The following IFRD1 variants were observed in gnomAD, a reference collection of about 807,000 sequenced individuals.
IFRD1 encodes the protein interferon-related developmental regulator 1.
A neutral mutation model predicts 52.9 loss-of-function variants in IFRD1; 35 were observed. That is an observed-to-expected ratio of 0.66 (90% CI 0.51 to 0.88). IFRD1 has a LOEUF of 0.88. Ranked by LOEUF, IFRD1 falls within the 40% of genes least tolerant of loss-of-function variation. IFRD1 has a pLI of 0.00. For missense variants in IFRD1, 517 were observed against 550.8 expected (o/e 0.94, Z 0.61); for synonymous variants, 184 against 188.4 (o/e 0.98, Z 0.19).
At chr7:112,459,076 GC>G in intron 5 of IFRD1, 58 bp downstream of exon 5, 1 of 1,402,870 alleles carries the variant, frequency 7.1e-7, no homozygotes, top group Non-Finnish European at 9.9e-7. Flanking sequence ...CAGACGTGGT[GC>G]GCCTATAGTA....
chr7:112,442,597 G>C (rs1309648542), intron 1 of IFRD1, among the ~76,000 whole-genome samples: 1 of 152,180 alleles, frequency 6.6e-6, no homozygotes, highest in Non-Finnish European at 1.5e-5. Flanking sequence ...CTTTGGTCAT[G>C]TCCCTGGGGG....
At chr7:112,474,215 A>G (rs1034252694) in intron 11 of IFRD1, among the ~76,000 whole-genome samples, 2 of 152,232 alleles carry the variant, frequency 1.3e-5, no homozygotes, top group South Asian at 2.1e-4. Flanking sequence ...GAACATTCAC[A>G]TACAAAATTT....
rs202245202 is a variant in IFRD1 at position 112,476,496 on chromosome 7, A to C, written c.*977A>C. On this transcript the variant is annotated 3_prime_UTR_variant, in exon 12 of 12. Coordinates refer to ENST00000403825, the MANE Select transcript of IFRD1 (RefSeq NM_001550.4). ...AACATAGCGAGACCCTGTCTCTACC[A>C]GAAATTTAAAAAATGAGTGTGGTGG... 1.3e-5 allele frequency: 2 copies of C among 152,306 alleles called. No homozygotes were observed. The highest frequency in any genetic ancestry group is 1.3e-4 in the Admixed American group (2 of 15,294). The allele number at this position is 152,306 out of a possible 1,614,324, so 9.4% of individuals were successfully genotyped here. A position where few individuals can be genotyped will look rare whatever the true frequency, so the allele number is the denominator to read the frequency against.
chr7:112,456,007 G>GAA lies in IFRD1; in HGVS notation c.206_207dup (p.Val70LysfsTer12). The GAA allele has an allele frequency of 3.1e-6, 5 of 1,593,048 alleles. No homozygotes were observed. Among genetic ancestry groups the GAA allele is most frequent in the Non-Finnish European group, 4.3e-6 (5 of 1,160,990 alleles). The stretch of plus-strand genomic sequence containing the variant: ...TGTTTTATATTATTTCTTAGGACCA[G>GAA]AAGTCCTTGATGAGGAAGGAACTCA... On this transcript the variant is annotated frameshift_variant, in exon 3 of 12. Transcript: ENST00000403825. LOFTEE classifies it high-confidence loss of function.
chr7:112,442,627 C>T (rs930936378), intron 1 of IFRD1, among the ~76,000 whole-genome samples: 1 of 152,184 alleles, frequency 6.6e-6, no homozygotes, highest in African/African-American at 2.4e-5. Flanking sequence ...AAAGCTGATC[C>T]ATCAAGAGAG....
Position 112,468,079 on chromosome 7 carries a change from G to C in IFRD1, c.1005G>C (p.Gln335His). ...GGGCCAAAGTGGACAAGAGAAAGCA[G>C]CGGTCAGTTTTCAGAGATGTCCTGA... ...KHRAKVDKRK[Q>H]RSVFRDVLRA... is the part of the protein sequence containing the mutation. Residue 335 changes from glutamine to histidine, a missense_variant, in exon 9 of 12, where the codon CAG becomes CAC. Gln to His is a conservative substitution (Grantham distance 24, BLOSUM62 0). Coordinates refer to ENST00000403825, the MANE Select transcript of IFRD1 (RefSeq NM_001550.4). The C allele has an allele frequency of 6.2e-7, 1 of 1,614,090 alleles. No individual in the cohort carries two copies. The highest frequency in any genetic ancestry group is 8.5e-7 in the Non-Finnish European group (1 of 1,179,978).
chr7:112,427,992 G>A (rs1041853312), intron 1 of IFRD1, among the ~76,000 whole-genome samples: 5 of 152,164 alleles, frequency 3.3e-5, no homozygotes, highest in African/African-American at 1.2e-4. Flanking sequence ...CTTGATGGGG[G>A]CAGAGGGGTG....
rs548170557 is a variant in IFRD1, at chr7:112,450,866, T to C, written c.94+84T>C. ...TGCTTCGGCACGGTGGGAGTTGTAG[T>C]TCTTTCTCTGATGTACACATTTGCA... On this transcript the variant is annotated intron_variant, in intron 1 of 11. Coordinates refer to ENST00000403825, the MANE Select transcript of IFRD1 (RefSeq NM_001550.4). 1.9e-4 allele frequency: 180 copies of C among 945,668 alleles called. No individual in the cohort carries two copies. The African/African-American group carries it at 2.7e-3, about 14-fold the overall frequency. The allele number at this position is 945,668 out of a possible 1,614,324, so 58.6% of individuals were successfully genotyped here.
At chr7:112,460,185 A>G (rs1252417138) in intron 5 of IFRD1, among the ~76,000 whole-genome samples, 1 of 149,658 alleles carries the variant, frequency 6.7e-6, no homozygotes, top group Non-Finnish European at 1.5e-5. Flanking sequence ...TTTTTAAAAA[A>G]CCTTAGCCTC....
chr7:112,433,360 T>A (rs974999134), intron 1 of IFRD1, among the ~76,000 whole-genome samples: 2 of 152,166 alleles, frequency 1.3e-5, no homozygotes, highest in African/African-American at 4.8e-5. Context: ...TTGTGCTGAA[T>A]CAGTTCCTGG....
chr7:112,455,111 G>A (rs1048347646), intron 1 of IFRD1, among the ~76,000 whole-genome samples: 2 of 151,702 alleles, frequency 1.3e-5, no homozygotes, highest in African/African-American at 4.8e-5. Flanking sequence ...TGATCTGTCC[G>A]CCTCAGCCTC....
intron 1 of IFRD1, chr7:112,423,545 C>T (rs1360439924): frequency 6.6e-6 from 1 of 152,024 alleles, no homozygotes; most frequent in African/African-American, 2.4e-5. Context: ...GCTCTTAACC[C>T]GGTAAGTGGT....
At chr7:112,467,795 AT>A (rs1184998348) in intron 8 of IFRD1, 185 bp from the exon 9 acceptor site, 2 of 617,738 alleles carry the variant, frequency 3.2e-6, no homozygotes, top group Non-Finnish European at 5.8e-6. Flanking sequence ...TGTAGTCAGC[AT>A]TTCTGGGTTC....
Position 112,452,033 on chromosome 7 carries a change from T to A in IFRD1, c.94+1251T>A, listed in dbSNP as rs1795178060. The stretch of plus-strand genomic sequence containing the variant: ...GAGGGATTCTTAAAACAGCAATTTT[T>A]TACATTTTTTAGGTGCCTCTTTATT... On this transcript the variant is annotated intron_variant, in intron 1 of 11. Coordinates refer to ENST00000403825, the MANE Select transcript of IFRD1 (RefSeq NM_001550.4). 9.2e-6 allele frequency: 9 copies of A among 981,846 alleles called. 1 individual carries two copies. The South Asian group carries it at 4.2e-4, about 46-fold the overall frequency. 60.8% of individuals were successfully genotyped at this position (981,846 alleles called of 1,614,324 possible). A position where few individuals can be genotyped will look rare whatever the true frequency, so the allele number is the denominator to read the frequency against.
chr7:112,472,651 A>G (rs1795780828), intron 10 of IFRD1, 115 bp from the exon 11 acceptor site: 2 of 789,554 alleles, frequency 2.5e-6, no homozygotes, highest in South Asian at 2.9e-5. Flanking sequence ...AAAATAAGTG[A>G]TCTAAGTTTA....
rs912523978 is a variant in IFRD1 at position 112,457,247 on chromosome 7, A to G, written c.409+209A>G. 3 of 613,096 alleles carry G rather than the reference A, an allele frequency of 4.9e-6. No individual in the cohort carries two copies. In the Admixed American group the frequency reaches 8.5e-5, roughly 17 times the overall value. The allele number at this position is 613,096 out of a possible 1,614,324, so 38.0% of individuals were successfully genotyped here. On this transcript the variant is annotated intron_variant, in intron 4 of 11. Transcript: ENST00000403825. ...GTAAACCAAAAAAAAATAGCTTGAA[A>G]CTAAGAAGGATTAGGGTAGATTGTC...
intron 4 of IFRD1, chr7:112,457,301 A>G: frequency 1.7e-6 from 1 of 573,060 alleles, no homozygotes. Flanking sequence ...AGAAGAGGTG[A>G]TGGTCATTCT....
intron 1 of IFRD1, among the ~76,000 whole-genome samples, chr7:112,431,230 C>T (rs1192816419): frequency 3.3e-5 from 5 of 152,160 alleles, no homozygotes; most frequent in Non-Finnish European, 5.9e-5. Flanking sequence ...AATTATTATA[C>T]GAAGACATAT....
chr7:112,475,180 A>G lies in IFRD1; in HGVS notation c.1267-250A>G, dbSNP rs558922000. On this transcript the variant is annotated intron_variant, in intron 11 of 11. Coordinates refer to ENST00000403825, the MANE Select transcript of IFRD1 (RefSeq NM_001550.4). ...TCACCGTGTTAGCCAGGATGGTCTC[A>G]ATCTCCTGACCTCGTGATTCGCCCA... Among the ~76,000 whole-genome samples, 40 of 152,146 alleles carry G rather than the reference A, an allele frequency of 2.6e-4. No homozygotes were observed. The South Asian group carries it at 6.4e-3, about 24-fold the overall frequency.
Sources: gnomAD v4.1 joint callset for allele counts (sites outside exome capture counted in the v4.1 genomes callset) on GRCh38, gnomAD v4.1.1 for gene constraint, MANE v1.5 for transcripts, NCBI Gene and HGNC (gene_info 2026-07-23, HGNC 2026-07-21) for gene names.